DLGAP1: variants seen among roughly 807,000 people sequenced by gnomAD.
The protein encoded by DLGAP1 is DLG associated protein 1.
A neutral mutation model predicts 90.8 loss-of-function variants in DLGAP1; 11 were observed. The ratio of observed to expected loss-of-function variants is 0.12; its 90% confidence interval spans 0.08 to 0.20. The LOEUF (loss-of-function observed/expected upper bound fraction) is 0.20, where lower values mean the gene tolerates loss of function less well. DLGAP1 is among the 10% of genes least tolerant of loss of function. The pLI, the probability that DLGAP1 is intolerant of heterozygous loss-of-function variation, is 1.00. For missense variants in DLGAP1, 1,050 were observed against 1,333.8 expected (o/e 0.79, Z 3.31); for synonymous variants, 558 against 540.7 (o/e 1.03, Z -0.44).
chr18:4,449,998 A>T (rs1318165780), intron 1 of DLGAP1, among the ~76,000 whole-genome samples: 3 of 152,212 alleles, frequency 2.0e-5, no homozygotes, highest in Non-Finnish European at 4.4e-5. Flanking sequence ...CTAAACGGAA[A>T]GCACATCCTA....
chr18:3,786,146 C>T (rs2065438800), intron 5 of DLGAP1, among the ~76,000 whole-genome samples: 1 of 152,286 alleles, frequency 6.6e-6, no homozygotes, highest in Middle Eastern at 3.4e-3. Flanking sequence ...CTCTTCATCT[C>T]AAGATCCTGA....
At chr18:3,657,827 A>T (rs2059553997) in intron 7 of DLGAP1, among the ~76,000 whole-genome samples, 1 of 151,500 alleles carries the variant, frequency 6.6e-6, no homozygotes, top group South Asian at 2.1e-4. Context: ...GATGGTCTCG[A>T]TCTCCTGACC....
chr18:4,045,879 A>G (rs2075047122), intron 2 of DLGAP1, among the ~76,000 whole-genome samples: 1 of 151,088 alleles, frequency 6.6e-6, no homozygotes, highest in South Asian at 2.1e-4. Context: ...ACCTCAAGCA[A>G]TCCTCCTACC....
intron 3 of DLGAP1, among the ~76,000 whole-genome samples, chr18:3,999,500 A>G (rs1310999907): frequency 6.6e-6 from 1 of 152,164 alleles, no homozygotes; most frequent in Non-Finnish European, 1.5e-5. Context: ...GACTACCTCT[A>G]TCTTTATTGC....
rs549841451 is a variant in DLGAP1 at position 4,071,244 on chromosome 18, G to C, written c.-158-66043C>G. Reference sequence around the variant, plus strand: ...ACTTTATATAAAGATATACATGTGTGTGTGTGTGTGTATTCAAATATTTAA... The same window carrying C: ...ACTTTATATAAAGATATACATGTGTCTGTGTGTGTGTATTCAAATATTTAA... On this transcript the variant is annotated intron_variant, in intron 2 of 12. Coordinates refer to ENST00000315677, the MANE Select transcript of DLGAP1 (RefSeq NM_004746.4). Among the ~76,000 whole-genome samples, 68 of 152,150 alleles carry C rather than the reference G, an allele frequency of 4.5e-4. 1 individual carries two copies. In the South Asian group the frequency reaches 0.014, roughly 31 times the overall value.
chr18:4,002,826 A>G (rs1044025042), intron 3 of DLGAP1, among the ~76,000 whole-genome samples: 3 of 152,158 alleles, frequency 2.0e-5, no homozygotes. Flanking sequence ...TGAGCCCTCA[A>G]CAGAGAATAT....
intron 3 of DLGAP1, among the ~76,000 whole-genome samples, chr18:3,972,596 T>C (rs2073477295): frequency 6.6e-6 from 1 of 152,138 alleles, no homozygotes; most frequent in Non-Finnish European, 1.5e-5. Context: ...GGAACCTGAT[T>C]ATTAAGTGAC....
At chr18:4,303,745 T>C (rs1441237756) in intron 1 of DLGAP1, among the ~76,000 whole-genome samples, 1 of 152,234 alleles carries the variant, frequency 6.6e-6, no homozygotes, top group African/African-American at 2.4e-5. Flanking sequence ...AAGAGTAATG[T>C]TCCCTGATTT....
intron 3 of DLGAP1, among the ~76,000 whole-genome samples, chr18:3,975,877 T>C (rs28860201): frequency 0.4 from 60,180 of 151,776 alleles, 12,130 homozygotes; most frequent in Non-Finnish European, 0.42. Flanking sequence ...GAAATCAAAT[T>C]CATAGAGTCA....
chr18:3,591,728 C>T (rs754242157), intron 7 of DLGAP1, among the ~76,000 whole-genome samples: 1 of 151,862 alleles, frequency 6.6e-6, no homozygotes, highest in Non-Finnish European at 1.5e-5. Context: ...AATAAAAAGA[C>T]GGGGTGTTTC....
In DLGAP1 at chr18:4,174,444, C is replaced by T. The variant is rs568118511; in HGVS notation, c.-266-23157G>A. On this transcript the variant is annotated intron_variant, in intron 1 of 12. Transcript: ENST00000315677. Reference sequence around the variant, plus strand: ...CCGCCCCCCGGGTTCAAGCAATTCTCCTGCCTCAGTCTCCCAAGTAGCTGG... The same window carrying T: ...CCGCCCCCCGGGTTCAAGCAATTCTTCTGCCTCAGTCTCCCAAGTAGCTGG... Among the ~76,000 whole-genome samples, 10 of 152,242 alleles carry T rather than the reference C, an allele frequency of 6.6e-5. No homozygotes were observed. In the South Asian group the frequency reaches 1.0e-3, roughly 16 times the overall value.
intron 7 of DLGAP1, among the ~76,000 whole-genome samples, chr18:3,662,815 A>C (rs1021200597): frequency 6.6e-6 from 1 of 152,246 alleles, no homozygotes; most frequent in African/African-American, 2.4e-5. Flanking sequence ...TTGAGTGGGA[A>C]TATCCCAAGC....
intron 1 of DLGAP1, among the ~76,000 whole-genome samples, chr18:4,414,618 C>T (rs1025075701): frequency 1.2e-4 from 18 of 151,100 alleles, no homozygotes; most frequent in South Asian, 4.2e-4. Context: ...CCCAGCTACT[C>T]GGGAGGCTGA....
chr18:3,798,651 T>G (rs1452179654), intron 5 of DLGAP1, among the ~76,000 whole-genome samples: 2 of 152,124 alleles, frequency 1.3e-5, no homozygotes, highest in East Asian at 3.8e-4. Flanking sequence ...CCCTCTAAGG[T>G]TGTTTATTTA....
At chr18:3,617,591 C>CAAAA (rs66810699) in intron 7 of DLGAP1, among the ~76,000 whole-genome samples, 2 of 132,234 alleles carry the variant, frequency 1.5e-5, no homozygotes, top group Non-Finnish European at 1.6e-5. Context: ...AACTCCATCT[C>CAAAA]AAAAAAAAAA....
chr18:3,582,836 TCCTC>T (rs1357391150), intron 7 of DLGAP1, among the ~76,000 whole-genome samples: 1 of 131,390 alleles, frequency 7.6e-6, no homozygotes, highest in Non-Finnish European at 1.6e-5. Flanking sequence ...CTTCCTTCTT[TCCTC>T]CCTCCCCCCT....
intron 2 of DLGAP1, among the ~76,000 whole-genome samples, chr18:4,087,894 T>C (rs948280984): frequency 6.6e-6 from 1 of 152,186 alleles, no homozygotes; most frequent in Non-Finnish European, 1.5e-5. Flanking sequence ...CTTGATTTGT[T>C]ATGTTGAGAC....
intron 1 of DLGAP1, among the ~76,000 whole-genome samples, chr18:4,372,532 G>T (rs566344526): frequency 6.6e-6 from 1 of 152,230 alleles, no homozygotes; most frequent in Non-Finnish European, 1.5e-5. Flanking sequence ...CCTGGTGTTA[G>T]AGGAAGGGGT....
chr18:4,176,284 G>T (rs760472090), intron 1 of DLGAP1, among the ~76,000 whole-genome samples: 5 of 152,160 alleles, frequency 3.3e-5, no homozygotes, highest in Non-Finnish European at 5.9e-5. Context: ...ATTTCCAAGT[G>T]AATGACTTCC....
Sources: gnomAD v4.1 joint callset for allele counts (sites outside exome capture counted in the v4.1 genomes callset) on GRCh38, gnomAD v4.1.1 for gene constraint, MANE v1.5 for transcripts, NCBI Gene and HGNC (gene_info 2026-07-23, HGNC 2026-07-21) for gene names.